Variants in SCFD2 observed in about 807,000 individuals in gnomAD.
The protein encoded by SCFD2 is sec1 family domain containing 2.
SCFD2 carries 54 observed loss-of-function variants against 58.9 expected under a neutral mutation model. The ratio of observed to expected loss-of-function variants is 0.92; its 90% CI spans 0.74 to 1.15. The LOEUF (loss-of-function observed/expected upper bound fraction) is 1.15, where lower values mean the gene tolerates loss of function less well. Ranked by LOEUF, SCFD2 falls within the 50% of genes most tolerant of loss-of-function variation. The probability of loss-of-function intolerance (pLI) is 0.00; values close to 1 mark genes in which losing one functional copy is unlikely to be tolerated. For missense variants in SCFD2, 805 were observed against 836.6 expected (o/e 0.96, Z 0.47); for synonymous variants, 321 against 335.9 (o/e 0.96, Z 0.49).
At chr4:53,216,436 A>C (rs1223799810) in intron 4 of SCFD2, among the ~76,000 whole-genome samples, 1 of 152,120 alleles carries the variant, frequency 6.6e-6, no homozygotes, top group East Asian at 1.9e-4. Flanking sequence ...ATTTGCATAG[A>C]GGTGTTCATA....
intron 3 of SCFD2, among the ~76,000 whole-genome samples, chr4:53,276,707 C>T (rs1731338932): frequency 1.3e-5 from 2 of 152,106 alleles, no homozygotes; most frequent in South Asian, 4.1e-4. Flanking sequence ...TAAGTGAGAA[C>T]ATGCAGTATT....
chr4:53,259,549 TG>T (rs1350515622), intron 4 of SCFD2, among the ~76,000 whole-genome samples: 2 of 152,326 alleles, frequency 1.3e-5, no homozygotes, highest in East Asian at 3.9e-4. Context: ...GCCTTATTTC[TG>T]GGTTCTCTAT....
At chr4:53,034,949 T>A (rs1722717378) in intron 5 of SCFD2, among the ~76,000 whole-genome samples, 1 of 152,208 alleles carries the variant, frequency 6.6e-6, no homozygotes, top group African/African-American at 2.4e-5. Flanking sequence ...TCCACTGACT[T>A]TCTTCACAGA....
intron 5 of SCFD2, among the ~76,000 whole-genome samples, chr4:53,041,436 A>G (rs1297432628): frequency 1.3e-5 from 2 of 152,208 alleles, no homozygotes; most frequent in Non-Finnish European, 2.9e-5. Context: ...ATTCTATTCA[A>G]AATAAATCAA....
At chr4:53,210,009 A>G (rs1728559218) in intron 4 of SCFD2, among the ~76,000 whole-genome samples, 1 of 152,118 alleles carries the variant, frequency 6.6e-6, no homozygotes, top group Non-Finnish European at 1.5e-5. Flanking sequence ...TTAACCAATC[A>G]TCTTCTGGCC....
chr4:52,984,950 A>T (rs1721454944), intron 5 of SCFD2, among the ~76,000 whole-genome samples: 1 of 152,190 alleles, frequency 6.6e-6, no homozygotes, highest in Non-Finnish European at 1.5e-5. Flanking sequence ...GAACTATCAA[A>T]ACCTACTGAA....
chr4:53,045,773 T>C (rs1723024842), intron 5 of SCFD2, among the ~76,000 whole-genome samples: 1 of 152,190 alleles, frequency 6.6e-6, no homozygotes, highest in Non-Finnish European at 1.5e-5. Context: ...TTTACATATT[T>C]TGGAAAATAG....
chr4:52,969,499 A>G (rs1056797364), intron 5 of SCFD2, among the ~76,000 whole-genome samples: 1 of 152,218 alleles, frequency 6.6e-6, no homozygotes, highest in African/African-American at 2.4e-5. Flanking sequence ...TTCCAGGCAC[A>G]CAGTAGATGA....
intron 1 of SCFD2, among the ~76,000 whole-genome samples, chr4:53,353,449 G>A (rs560788632): frequency 6.6e-6 from 1 of 152,122 alleles, no homozygotes; most frequent in African/African-American, 2.4e-5. Flanking sequence ...GTGTGGTAAG[G>A]GACCCAACCA....
intron 2 of SCFD2, among the ~76,000 whole-genome samples, chr4:53,330,320 A>G (rs1334116289): frequency 6.6e-6 from 1 of 151,618 alleles, no homozygotes. Flanking sequence ...GAAATGAAGG[A>G]AAAAATGTTC....
chr4:53,070,364 T>C (rs1723780548), intron 5 of SCFD2, among the ~76,000 whole-genome samples: 1 of 152,012 alleles, frequency 6.6e-6, no homozygotes, highest in Non-Finnish European at 1.5e-5. Flanking sequence ...TCAATTAAAC[T>C]AAAAAAGATG....
chr4:52,933,837 G>A (rs1028666797), intron 5 of SCFD2, among the ~76,000 whole-genome samples: 12 of 152,184 alleles, frequency 7.9e-5, no homozygotes, highest in Non-Finnish European at 1.5e-4. Flanking sequence ...TGGGAGGTGG[G>A]GTCTCATGGG....
At chr4:53,236,685 G>A (rs1203367772) in intron 4 of SCFD2, among the ~76,000 whole-genome samples, 1 of 149,638 alleles carries the variant, frequency 6.7e-6, no homozygotes, top group African/African-American at 2.4e-5. Flanking sequence ...TGCAAAACAG[G>A]TTTAAAAATA....
At chr4:53,216,054 G>T (rs1204811583) in intron 4 of SCFD2, among the ~76,000 whole-genome samples, 3 of 152,112 alleles carry the variant, frequency 2.0e-5, no homozygotes, top group Admixed American at 2.0e-4. Flanking sequence ...TCATCAGTAT[G>T]TTATTGAGGA....
At chr4:53,102,028 GTAA>G (rs1724845289) in intron 5 of SCFD2, among the ~76,000 whole-genome samples, 1 of 152,168 alleles carries the variant, frequency 6.6e-6, no homozygotes, top group South Asian at 2.1e-4. Context: ...ATCTGTATAA[GTAA>G]AACGGTGTGG....
At chr4:53,328,569 T>G (rs946790044) in intron 2 of SCFD2, among the ~76,000 whole-genome samples, 3 of 152,234 alleles carry the variant, frequency 2.0e-5, no homozygotes, top group Non-Finnish European at 4.4e-5. Flanking sequence ...TAGTTTATGC[T>G]AATATACACA....
intron 5 of SCFD2, among the ~76,000 whole-genome samples, chr4:53,066,145 G>A (rs899397655): frequency 1.1e-4 from 16 of 152,162 alleles, no homozygotes; most frequent in African/African-American, 3.6e-4. Flanking sequence ...TGTCTTTGAA[G>A]TTCTCTAAAT....
intron 5 of SCFD2, among the ~76,000 whole-genome samples, chr4:53,065,651 T>C (rs978098043): frequency 2.6e-5 from 4 of 152,090 alleles, no homozygotes; most frequent in Non-Finnish European, 5.9e-5. Context: ...ACTATTCTAT[T>C]CCGAAAGTTT....
At chr4:53,130,448 C>T (rs1577756436) in intron 5 of SCFD2, among the ~76,000 whole-genome samples, 4 of 152,230 alleles carry the variant, frequency 2.6e-5, no homozygotes, top group East Asian at 3.9e-4. Flanking sequence ...TTATGGTAGA[C>T]GTATCTAGTT....
Sources: allele counts gnomAD v4.1 joint callset (sites outside exome capture counted in the v4.1 genomes callset), GRCh38; gene constraint gnomAD v4.1.1; transcripts MANE v1.5; gene names NCBI Gene and HGNC (gene_info 2026-07-23, HGNC 2026-07-21).